Variants in DCDC1 observed in about 807,000 individuals in gnomAD.
DCDC1 encodes the protein doublecortin domain-containing protein 1.
A neutral mutation model predicts 178.3 loss-of-function variants in DCDC1; 200 were observed. The observed-to-expected ratio is 1.12, with a 90% CI of 1.00 to 1.26. The LOEUF is 1.26. Ranked by LOEUF, DCDC1 falls within the 50% of genes most tolerant of loss-of-function variation. The pLI, the probability that DCDC1 is intolerant of heterozygous loss-of-function variation, is 0.00. For missense variants in DCDC1, 1,983 were observed against 1,749.2 expected (o/e 1.13, Z -2.38); for synonymous variants, 690 against 604.8 (o/e 1.14, Z -2.07).
chr11:31,082,992 C>T (rs1432284744), intron 17 of DCDC1, among the ~76,000 whole-genome samples: 1 of 152,152 alleles, frequency 6.6e-6, no homozygotes, highest in Non-Finnish European at 1.5e-5. Flanking sequence ...TTGATGTTGA[C>T]GTTTCTAATG....
chr11:31,165,391 C>T (rs1161389469), intron 9 of DCDC1, among the ~76,000 whole-genome samples: 4 of 151,930 alleles, frequency 2.6e-5, no homozygotes, highest in Admixed American at 1.3e-4. Flanking sequence ...AGTGCAGTGG[C>T]GTGATCACAG....
chr11:31,034,981 G>A (rs180785343), intron 20 of DCDC1, among the ~76,000 whole-genome samples: 205 of 152,286 alleles, frequency 1.3e-3, no homozygotes, highest in South Asian at 2.9e-3. Context: ...GGATGTTTTA[G>A]GTCCAGGCAA....
chr11:31,137,508 C>A (rs186910867), intron 10 of DCDC1, among the ~76,000 whole-genome samples, 184 bp downstream of exon 10: 1 of 152,050 alleles, frequency 6.6e-6, no homozygotes, highest in Non-Finnish European at 1.5e-5. Flanking sequence ...CGCCACCACG[C>A]CCAGCTAATT....
intron 20 of DCDC1, among the ~76,000 whole-genome samples, chr11:30,971,905 G>GGCCA (rs1447450420): frequency 6.6e-6 from 1 of 151,902 alleles, no homozygotes; most frequent in South Asian, 2.1e-4. Flanking sequence ...CACTGCACCT[G>GGCCA]GCCAAAAACA....
intron 20 of DCDC1, among the ~76,000 whole-genome samples, chr11:31,013,260 C>CT (rs397973937): frequency 6.6e-6 from 1 of 152,008 alleles, no homozygotes; most frequent in African/African-American, 2.4e-5. Flanking sequence ...ATAACCTTTT[C>CT]TTTTCAAGAG....
intron 9 of DCDC1, among the ~76,000 whole-genome samples, chr11:31,213,351 G>A (rs1973069661): frequency 6.6e-6 from 1 of 151,736 alleles, no homozygotes; most frequent in Non-Finnish European, 1.5e-5. Flanking sequence ...CCTGGCTCCT[G>A]AGTCTATTTA....
intron 14 of DCDC1, among the ~76,000 whole-genome samples, chr11:31,103,301 C>A (rs894236552): frequency 6.6e-6 from 1 of 152,144 alleles, no homozygotes; most frequent in African/African-American, 2.4e-5. Context: ...AACACTCACA[C>A]AGAACATATT....
intron 21 of DCDC1, among the ~76,000 whole-genome samples, chr11:30,948,622 A>C (rs1948211977): frequency 6.6e-6 from 1 of 152,222 alleles, no homozygotes; most frequent in African/African-American, 2.4e-5. Flanking sequence ...AGGTTACAGT[A>C]ACCAAAACAG....
chr11:30,996,943 C>A (rs147003688), intron 20 of DCDC1, among the ~76,000 whole-genome samples: 1 of 152,150 alleles, frequency 6.6e-6, no homozygotes, highest in Non-Finnish European at 1.5e-5. Context: ...ACTAAGATGC[C>A]TTTCAACAGT....
chr11:31,194,006 A>G (rs191531055), intron 9 of DCDC1, among the ~76,000 whole-genome samples: 75 of 152,192 alleles, frequency 4.9e-4, no homozygotes, highest in Non-Finnish European at 2.9e-5. Flanking sequence ...TCTTGACCAT[A>G]ATATTAACGG....
intron 11 of DCDC1, among the ~76,000 whole-genome samples, chr11:31,127,252 A>T (rs192104197): frequency 6.6e-6 from 1 of 152,228 alleles, no homozygotes; most frequent in African/African-American, 2.4e-5. Flanking sequence ...ATTGGAAACT[A>T]GTTAAAGCTT....
At chr11:31,078,129 T>A (rs976284768) in intron 17 of DCDC1, among the ~76,000 whole-genome samples, 2 of 152,226 alleles carry the variant, frequency 1.3e-5, no homozygotes, top group African/African-American at 4.8e-5. Flanking sequence ...TCTGGTACCC[T>A]AAGCGGGGTA....
intron 9 of DCDC1, among the ~76,000 whole-genome samples, chr11:31,228,154 A>C (rs1170079954): frequency 2.0e-5 from 3 of 152,122 alleles, no homozygotes; most frequent in Non-Finnish European, 4.4e-5. Flanking sequence ...AACATGGAAC[A>C]TTAATTTGGA....
At chr11:31,360,263 T>C (rs965236117) in intron 1 of DCDC1, among the ~76,000 whole-genome samples, 15 of 152,176 alleles carry the variant, frequency 9.9e-5, no homozygotes, top group African/African-American at 3.6e-4. Context: ...TACCGAGGTA[T>C]GGATAGCTGT....
intron 20 of DCDC1, among the ~76,000 whole-genome samples, chr11:31,032,537 A>G (rs1953719299): frequency 6.6e-6 from 1 of 151,710 alleles, no homozygotes; most frequent in Non-Finnish European, 1.5e-5. Context: ...ATTATGATAC[A>G]TACATACATA....
In DCDC1 at chr11:31,306,252, T is replaced by A. The variant is rs773636269; in HGVS notation, c.571A>T (p.Thr191Ser). The change falls in exon 5 of 39, where the codon ACT becomes TCT. Residue 191 changes from threonine (T) to serine (S), a missense_variant. Physicochemically the swap from Thr to Ser is moderately conservative, Grantham distance 58 (BLOSUM62 1). Coordinates refer to ENST00000684477, the MANE Select transcript of DCDC1 (RefSeq NM_001387274.1). ...NGSRTVFARV[T>S]VPTITLLLEE... ...GTTACCAAGGTGATGGTTGGTACAG[T>A]AACTCTGGCAAAGACTGTTCTAGAT... The A allele has an allele frequency of 1.3e-6, 2 of 1,590,300 alleles. No homozygotes were observed. The highest frequency in any genetic ancestry group is 2.3e-5 in the South Asian group (2 of 85,846).
chr11:31,076,146 A>G (rs1000535419), intron 18 of DCDC1, among the ~76,000 whole-genome samples: 1 of 152,162 alleles, frequency 6.6e-6, no homozygotes, highest in African/African-American at 2.4e-5. Flanking sequence ...GGTGTGAGCC[A>G]CTGCACCTGG....
At chr11:30,921,484 T>C (rs1379140253) in intron 24 of DCDC1, among the ~76,000 whole-genome samples, 1 of 152,224 alleles carries the variant, frequency 6.6e-6, no homozygotes, top group Non-Finnish European at 1.5e-5. Flanking sequence ...AAGATAGTTT[T>C]TGACATTCAA....
At chr11:31,154,812 C>T (rs1477518090) in intron 9 of DCDC1, among the ~76,000 whole-genome samples, 1 of 152,160 alleles carries the variant, frequency 6.6e-6, no homozygotes, top group African/African-American at 2.4e-5. Context: ...AACCCTGGCA[C>T]TGGATTTCAT....
Sources: allele counts gnomAD v4.1 joint callset (sites outside exome capture counted in the v4.1 genomes callset), GRCh38; gene constraint gnomAD v4.1.1; transcripts MANE v1.5; gene names NCBI Gene and HGNC (gene_info 2026-07-23, HGNC 2026-07-21).